The following FAP variants were observed in gnomAD, a reference collection of about 807,000 sequenced individuals.
FAP encodes the protein prolyl endopeptidase FAP.
A neutral mutation model predicts 126.5 loss-of-function variants in FAP; 110 were observed. That is an observed-to-expected ratio of 0.87 (90% CI 0.74 to 1.02). FAP has a LOEUF of 1.02. Among genes scored for constraint, FAP ranks in the 50% least tolerant of loss-of-function variants. The pLI, the probability that FAP is intolerant of heterozygous loss-of-function variation, is 0.00. For synonymous variants in FAP, 334 were observed against 297.3 expected, an observed-to-expected ratio of 1.12 and a Z score of -1.27; for missense variants, 919 against 909.2, an observed-to-expected ratio of 1.01 and a Z score of -0.14.
At chr2:162,187,483 A>C (rs1335439395) in intron 20 of FAP, among the ~76,000 whole-genome samples, 1 of 152,120 alleles carries the variant, frequency 6.6e-6, no homozygotes, top group Non-Finnish European at 1.5e-5. Context: ...AATTATTTGC[A>C]CAGTGTTTCT....
At chr2:162,178,061 G>T (rs979843614) in intron 21 of FAP, among the ~76,000 whole-genome samples, 3 of 152,070 alleles carry the variant, frequency 2.0e-5, no homozygotes, top group African/African-American at 7.2e-5. Flanking sequence ...AACCTCTTTC[G>T]GGGAAACTGT....
intron 1 of FAP, 139 bp from the exon 2 acceptor site, chr2:162,243,131 G>T: frequency 2.4e-6 from 2 of 828,064 alleles, no homozygotes; most frequent in Non-Finnish European, 3.9e-6. Flanking sequence ...GGCTATAATT[G>T]CTGGAATTCT....
In FAP at chr2:162,188,275, C is replaced by T; in HGVS notation, c.1708G>A (p.Ala570Thr). ...YLASKEGMVIALVDGRGTAFQ... is the reference protein window; with the variant it reads ...YLASKEGMVITLVDGRGTAFQ... ...GCTGTTCCTCGACCATCCACCAAGGCAATGACCATCCCTTCCTTACTTGCA... is the reference window on the plus strand; with the variant it reads ...GCTGTTCCTCGACCATCCACCAAGGTAATGACCATCCCTTCCTTACTTGCA... Residue 570 changes from alanine (A) to threonine (T), a missense_variant, in exon 20 of 26, where the codon GCC (alanine) becomes ACC (threonine). Physicochemically the swap from Ala to Thr is moderately conservative, Grantham distance 58 (BLOSUM62 0). Coordinates refer to ENST00000188790, the MANE Select transcript of FAP (RefSeq NM_004460.5). The T allele has an allele frequency of 6.2e-7, 1 of 1,613,260 alleles. No homozygotes were observed. The highest frequency in any genetic ancestry group is 8.5e-7 in the Non-Finnish European group (1 of 1,179,438).
chr2:162,227,477 C>CT (rs1265698281), intron 2 of FAP, among the ~76,000 whole-genome samples: 1 of 152,116 alleles, frequency 6.6e-6, no homozygotes. Context: ...GCCCAATGCC[C>CT]TTTTTTATCA....
intron 16 of FAP, among the ~76,000 whole-genome samples, chr2:162,197,907 CAG>C (rs1688320295): frequency 6.6e-6 from 1 of 152,152 alleles, no homozygotes; most frequent in South Asian, 2.1e-4. Flanking sequence ...AGGGAGGTGA[CAG>C]AGATTGGAGA....
rs376615283 is a variant in FAP at position 162,236,645 on chromosome 2, C to G, written c.91+6263G>C. On this transcript the variant is annotated intron_variant, in intron 2 of 25. Coordinates refer to ENST00000188790, the MANE Select transcript of FAP (RefSeq NM_004460.5). ...GGGGGCAGGGAGACAGAGTCTTGCT[C>G]TGTTGCCCAGGCTGGAGTGCAATGG... Among the ~76,000 whole-genome samples, 15 of 152,192 alleles carry G rather than the reference C, an allele frequency of 9.9e-5. 1 individual carries two copies. Among genetic ancestry groups the G allele is most frequent in the African/African-American group, 3.4e-4 (14 of 41,516 alleles).
At chr2:162,234,613 G>A (rs1690028484) in intron 2 of FAP, among the ~76,000 whole-genome samples, 1 of 152,146 alleles carries the variant, frequency 6.6e-6, no homozygotes, top group Non-Finnish European at 1.5e-5. Context: ...CTGATAAAAT[G>A]TTGAACAGAA....
At chr2:162,199,261 A>G (rs555616626) in intron 15 of FAP, among the ~76,000 whole-genome samples, 76 of 152,362 alleles carry the variant, frequency 5.0e-4, no homozygotes, top group Non-Finnish European at 8.4e-4. Flanking sequence ...GGCAAAACAT[A>G]GCAAGAAAAT....
rs1487978361 is a variant in FAP at position 162,170,700 on chromosome 2, G to A, written c.*279C>T. The A allele has an allele frequency of 3.0e-6, 1 of 329,250 alleles. No individual in the cohort carries two copies. The highest frequency in any genetic ancestry group is 5.7e-6 in the Non-Finnish European group (1 of 176,800). The allele number at this position is 329,250 out of a possible 1,614,324, so 20.4% of individuals were successfully genotyped here. ...ACAACACAATAGCACTTGAACTTCT[G>A]ACTTTATTATTTTTCTTCAAATGAA... On this transcript the variant is annotated 3_prime_UTR_variant, in exon 26 of 26. Transcript: ENST00000188790.
chr2:162,174,489 G>T (rs187351958), intron 22 of FAP, among the ~76,000 whole-genome samples: 171 of 152,274 alleles, frequency 1.1e-3, no homozygotes, highest in African/African-American at 3.8e-3. Flanking sequence ...ATTGCTAACT[G>T]TGGCGTGGAG....
At chr2:162,197,813 T>C (rs997838277) in intron 16 of FAP, 2 of 350,004 alleles carry the variant, frequency 5.7e-6, no homozygotes, top group Admixed American at 8.0e-5. Flanking sequence ...GGGGAGCTGA[T>C]ACCAAAACAG....
At chr2:162,187,780 C>T (rs954707281) in intron 20 of FAP, among the ~76,000 whole-genome samples, 1 of 152,042 alleles carries the variant, frequency 6.6e-6, no homozygotes, top group Non-Finnish European at 1.5e-5. Flanking sequence ...AATCTTGAGC[C>T]ATTTCTAAAC....
At chr2:162,217,858 A>G (rs939473773) in intron 9 of FAP, 128 bp downstream of exon 9, 4 of 643,064 alleles carry the variant, frequency 6.2e-6, no homozygotes, top group African/African-American at 3.7e-5. Context: ...GCACAGTACA[A>G]TGTTTGCCTT....
Position 162,189,689 on chromosome 2 carries a change from C to T in FAP, c.1516G>A (p.Glu506Lys), listed in dbSNP as rs777064536. The T allele has an allele frequency of 7.5e-6, 12 of 1,590,062 alleles. No individual in the cohort carries two copies. The highest frequency in any genetic ancestry group is 9.4e-6 in the Non-Finnish European group (11 of 1,165,776). The change falls in exon 18 of 26, where the codon GAG becomes AAG. Residue 506 changes from glutamate to lysine, a missense_variant. Glu to Lys is a moderately conservative substitution (Grantham distance 56, BLOSUM62 1). Coordinates refer to ENST00000188790, the MANE Select transcript of FAP (RefSeq NM_004460.5). ...NALKNIQLPK[E>K]EIKKLEVDEI... ...TCTACTTCAAGTTTCTTAATTTCCTCTTTAGGCAGCTGGATATTTTTCAAA... is the reference window on the plus strand; with the variant it reads ...TCTACTTCAAGTTTCTTAATTTCCTTTTTAGGCAGCTGGATATTTTTCAAA...
chr2:162,236,966 C>T (rs1434741320), intron 2 of FAP, among the ~76,000 whole-genome samples: 9 of 152,074 alleles, frequency 5.9e-5, no homozygotes, highest in Non-Finnish European at 1.2e-4. Context: ...TGTTTTTCCA[C>T]CAAGTATAAA....
chr2:162,239,577 T>A (rs1196295867), intron 2 of FAP, among the ~76,000 whole-genome samples: 1 of 152,158 alleles, frequency 6.6e-6, no homozygotes, highest in African/African-American at 2.4e-5. Context: ...AATTAAGACA[T>A]TTTTGAAATT....
chr2:162,197,882 T>G, intron 16 of FAP: 1 of 334,166 alleles, frequency 3.0e-6, no homozygotes, highest in Non-Finnish European at 5.8e-6. Flanking sequence ...CAGCCCCAAA[T>G]TAGGAATAAG....
intron 4 of FAP, among the ~76,000 whole-genome samples, chr2:162,224,830 C>A (rs928990205): frequency 6.6e-6 from 1 of 151,986 alleles, no homozygotes; most frequent in Admixed American, 6.6e-5. Flanking sequence ...TTCAATATAG[C>A]AATTGCAAAA....
intron 12 of FAP, among the ~76,000 whole-genome samples, chr2:162,208,607 C>T (rs982373580): frequency 3.9e-5 from 6 of 152,038 alleles, no homozygotes; most frequent in South Asian, 2.1e-4. Flanking sequence ...TTCTTCCCTT[C>T]GTTCTTTACT....
Sources: gnomAD v4.1 joint callset for allele counts (sites outside exome capture counted in the v4.1 genomes callset) on GRCh38, gnomAD v4.1.1 for gene constraint, MANE v1.5 for transcripts, NCBI Gene and HGNC (gene_info 2026-07-23, HGNC 2026-07-21) for gene names.